PTPRD: variants seen among roughly 807,000 people sequenced by gnomAD.
PTPRD encodes the protein receptor-type tyrosine-protein phosphatase delta.
In PTPRD, 34 loss-of-function variants were observed where a neutral mutation model predicts 214.5. The ratio of observed to expected loss-of-function variants is 0.16; its 90% CI spans 0.12 to 0.21. PTPRD has a LOEUF of 0.21. Ranked by LOEUF, PTPRD falls within the 10% of genes least tolerant of loss-of-function variation. The probability of loss-of-function intolerance (pLI) is 1.00; values close to 1 mark genes in which losing one functional copy is unlikely to be tolerated. For missense variants in PTPRD, 2,545 were observed against 2,398.7 expected, an observed-to-expected ratio of 1.06 and a Z score of -1.27; for synonymous variants, 1,128 against 845.7, an observed-to-expected ratio of 1.33 and a Z score of -5.79.
intron 3 of PTPRD, among the ~76,000 whole-genome samples, chr9:10,100,056 C>T (rs1162456301): frequency 6.6e-6 from 1 of 151,516 alleles, no homozygotes; most frequent in East Asian, 2.0e-4. Context: ...ATGGGTAAAC[C>T]TTAATGAGTA....
At chr9:8,801,900 T>TA in intron 11 of PTPRD, among the ~76,000 whole-genome samples, 1 of 152,170 alleles carries the variant, frequency 6.6e-6, no homozygotes, top group South Asian at 2.1e-4. Flanking sequence ...AAGCAGTTTT[T>TA]AAAAAAGAAA....
intron 3 of PTPRD, among the ~76,000 whole-genome samples, chr9:10,070,571 T>A (rs1286645741): frequency 1.3e-5 from 2 of 152,020 alleles, no homozygotes; most frequent in East Asian, 3.9e-4. Flanking sequence ...TATATTTGAA[T>A]AAAATTAAAA....
intron 10 of PTPRD, among the ~76,000 whole-genome samples, chr9:9,149,579 C>G (rs1011446152): frequency 5.3e-5 from 8 of 152,268 alleles, no homozygotes; most frequent in African/African-American, 1.9e-4. Context: ...GCAACATGTT[C>G]ATGAAAGACT....
At chr9:9,689,618 A>T (rs754047607) in intron 7 of PTPRD, among the ~76,000 whole-genome samples, 6 of 151,796 alleles carry the variant, frequency 4.0e-5, no homozygotes, top group African/African-American at 7.2e-5. Context: ...TTTACTATTA[A>T]GGAACCTCTG....
chr9:10,057,994 G>C (rs773679075), intron 3 of PTPRD, among the ~76,000 whole-genome samples: 1 of 152,022 alleles, frequency 6.6e-6, no homozygotes, highest in African/African-American at 2.4e-5. Context: ...TGGGTAACAC[G>C]TAAGATGATT....
chr9:9,398,764 A>C (rs2068925360), intron 8 of PTPRD, among the ~76,000 whole-genome samples: 1 of 151,976 alleles, frequency 6.6e-6, no homozygotes, highest in Non-Finnish European at 1.5e-5. Flanking sequence ...ATTTTGTATA[A>C]AAAGTTAGTG....
chr9:8,353,802 T>A (rs981113936), intron 39 of PTPRD, among the ~76,000 whole-genome samples: 3 of 114,078 alleles, frequency 2.6e-5, no homozygotes, highest in Non-Finnish European at 5.1e-5. Flanking sequence ...AATTTGAGAC[T>A]CCTTCTCAAA....
intron 11 of PTPRD, among the ~76,000 whole-genome samples, chr9:8,869,693 C>G (rs972631787): frequency 6.7e-6 from 1 of 150,256 alleles, no homozygotes; most frequent in East Asian, 2.0e-4. Context: ...GGCCTTTTTC[C>G]AGGATTTGCC....
At position 8,518,395 on chromosome 9, in the gene PTPRD, G is replaced by C. The variant is rs3763653; in HGVS notation, c.996C>G (p.Thr332=). The C allele has an allele frequency of 1.2e-6, 2 of 1,612,842 alleles. No homozygotes were observed. The highest frequency in any genetic ancestry group is 8.5e-7 in the Non-Finnish European group (1 of 1,179,496). The change falls in exon 21 of 46, where the codon ACC becomes ACG. Residue 332 remains threonine (T), a synonymous_variant. Coordinates refer to ENST00000381196, the MANE Select transcript of PTPRD (RefSeq NM_002839.4). ...LPKPPGTPVV[T]ESTATSITLT... is the part of the protein sequence containing the mutation. ...GTGTGATGCTTGTAGCTGTGCTCTC[G>C]GTCACTACAGGAGTTCCTGGAGGTT... is the stretch of plus-strand genomic sequence containing the variant.
intron 3 of PTPRD, among the ~76,000 whole-genome samples, chr9:10,165,727 C>A (rs1372200842): frequency 6.6e-6 from 1 of 150,994 alleles, no homozygotes; most frequent in Non-Finnish European, 1.5e-5. Flanking sequence ...TATTACAGAG[C>A]CAAACATTTC....
rs1473778032 is a variant in PTPRD, at chr9:10,598,709, GTGGT to G, written c.-600+13685_-600+13688del. Among the ~76,000 whole-genome samples, 160 of 67,246 alleles carry G rather than the reference GTGGT, an allele frequency of 2.4e-3. 1 individual carries two copies. The highest frequency in any genetic ancestry group is 0.013 in the Admixed American group (62 of 4,926). 44.1% of individuals were successfully genotyped at this position (67,246 alleles called of 152,430 possible). On this transcript the variant is annotated intron_variant, in intron 2 of 45. Coordinates refer to ENST00000381196, the MANE Select transcript of PTPRD (RefSeq NM_002839.4). ...GTGTGTGTGTGTGTGTGTGTGGTGT[GTGGT>G]GTGTGTGTGTGTGTGTGTGTAGATG...
chr9:10,454,339 T>C lies in PTPRD; in HGVS notation c.-599-113322A>G, dbSNP rs544283871. ...TTATACTGCTGATGACTTTGGAAAA[T>C]AGTACAGGGTTTTACAGTCTAATCA... On this transcript the variant is annotated intron_variant, in intron 2 of 45. Transcript: ENST00000381196. 5.3e-5 allele frequency among the ~76,000 whole-genome samples: 8 copies of C among 151,626 alleles called. No individual in the cohort carries two copies. In the East Asian group the frequency reaches 1.4e-3, roughly 26 times the overall value.
Position 8,802,556 on chromosome 9 carries a change from C to A in PTPRD, c.-103-68610G>T, listed in dbSNP as rs183788095. Among the ~76,000 whole-genome samples the A allele has an allele frequency of 1.8e-4, 28 of 152,318 alleles. No individual in the cohort carries two copies. The East Asian group carries it at 3.9e-3, about 21-fold the overall frequency. ...AGGGAAATCTGGATTTTCCTGAAAA[C>A]TGGCCTCACTCAGCCTGCAGGAAGT... On this transcript the variant is annotated intron_variant, in intron 11 of 45. Coordinates refer to ENST00000381196, the MANE Select transcript of PTPRD (RefSeq NM_002839.4).
intron 2 of PTPRD, among the ~76,000 whole-genome samples, chr9:10,583,550 C>G (rs2072814144): frequency 6.6e-6 from 1 of 151,880 alleles, no homozygotes; most frequent in South Asian, 2.1e-4. Flanking sequence ...CTCCCGGGTT[C>G]ACACCATTCT....
chr9:8,729,896 G>T (rs75471084), intron 12 of PTPRD, among the ~76,000 whole-genome samples: 131 of 152,322 alleles, frequency 8.6e-4, no homozygotes, highest in African/African-American at 3.1e-3. Flanking sequence ...GAAACTCCAT[G>T]GTCTACAGTG....
intron 9 of PTPRD, among the ~76,000 whole-genome samples, chr9:9,380,369 GT>G (rs1246810970): frequency 6.6e-6 from 1 of 151,938 alleles, no homozygotes; most frequent in Non-Finnish European, 1.5e-5. Flanking sequence ...TTATATATTT[GT>G]TTTTAATTTT....
intron 27 of PTPRD, among the ~76,000 whole-genome samples, chr9:8,490,015 T>C (rs924860466): frequency 1.3e-5 from 2 of 152,122 alleles, no homozygotes; most frequent in Non-Finnish European, 2.9e-5. Context: ...TGGAGTCAGG[T>C]TTCTAATGCC....
chr9:10,518,769 T>C (rs774861394), intron 2 of PTPRD, among the ~76,000 whole-genome samples: 17 of 152,036 alleles, frequency 1.1e-4, no homozygotes, highest in East Asian at 1.9e-4. Context: ...CCTGACCTCG[T>C]GATCTGCCCG....
chr9:10,489,695 T>A (rs1308076668), intron 2 of PTPRD, among the ~76,000 whole-genome samples: 1 of 152,202 alleles, frequency 6.6e-6, no homozygotes, highest in Non-Finnish European at 1.5e-5. Flanking sequence ...GATCAGCAAT[T>A]TCCCTCTGGC....
Sources: allele counts gnomAD v4.1 joint callset (sites outside exome capture counted in the v4.1 genomes callset), GRCh38; gene constraint gnomAD v4.1.1; transcripts MANE v1.5; gene names NCBI Gene and HGNC (gene_info 2026-07-23, HGNC 2026-07-21).